PTPRD: variants seen among roughly 807,000 people sequenced by gnomAD.
PTPRD encodes the protein receptor-type tyrosine-protein phosphatase delta.
In PTPRD, 34 loss-of-function variants were observed where a neutral mutation model predicts 214.5. The ratio of observed to expected loss-of-function variants is 0.16; its 90% CI spans 0.12 to 0.21. PTPRD has a LOEUF of 0.21. Ranked by LOEUF, PTPRD falls within the 10% of genes least tolerant of loss-of-function variation. PTPRD has a pLI of 1.00. For missense variants in PTPRD, 2,545 were observed against 2,398.7 expected, an observed-to-expected ratio of 1.06 and a Z score of -1.27; for synonymous variants, 1,128 against 845.7, an observed-to-expected ratio of 1.33 and a Z score of -5.79.
Position 8,885,788 on chromosome 9 carries a change from T to G in PTPRD, c.-104+132909A>C, listed in dbSNP as rs187322535. Among the ~76,000 whole-genome samples the G allele has an allele frequency of 2.0e-4, 31 of 152,188 alleles. 1 individual carries two copies. The East Asian group carries it at 3.9e-3, about 19-fold the overall frequency. ...CTGGGATTATCAGCGTGACCCACCG[T>G]GCCCGGCCTGCCTCTGTCTTTAGAA... On this transcript the variant is annotated intron_variant, in intron 11 of 45. Transcript: ENST00000381196.
At chr9:9,123,993 A>G (rs2099820089) in intron 10 of PTPRD, among the ~76,000 whole-genome samples, 1 of 144,720 alleles carries the variant, frequency 6.9e-6, no homozygotes, top group Non-Finnish European at 1.5e-5. Context: ...ATGTAGGCAT[A>G]TTGTCTAAAA....
chr9:9,226,166 G>A (rs1188827693), intron 9 of PTPRD, among the ~76,000 whole-genome samples: 1 of 151,568 alleles, frequency 6.6e-6, no homozygotes, highest in Non-Finnish European at 1.5e-5. Context: ...GAAGAATAGT[G>A]GTCATTTTAG....
intron 11 of PTPRD, among the ~76,000 whole-genome samples, chr9:8,915,841 T>C (rs544150596): frequency 6.6e-6 from 1 of 152,290 alleles, no homozygotes; most frequent in Admixed American, 6.5e-5. Flanking sequence ...GTTAGCTTCA[T>C]CTAATAAAAA....
intron 3 of PTPRD, among the ~76,000 whole-genome samples, chr9:10,168,113 T>G (rs2099170607): frequency 6.6e-6 from 1 of 152,194 alleles, no homozygotes; most frequent in Non-Finnish European, 1.5e-5. Flanking sequence ...GAAACATATT[T>G]GCTTTTGCAG....
chr9:8,604,034 T>C (rs919016744), intron 14 of PTPRD, among the ~76,000 whole-genome samples: 2 of 152,220 alleles, frequency 1.3e-5, no homozygotes, highest in African/African-American at 2.4e-5. Flanking sequence ...ACAATTATGC[T>C]GAGAGTGTTT....
At chr9:9,167,968 G>A (rs956637749) in intron 10 of PTPRD, among the ~76,000 whole-genome samples, 1 of 152,030 alleles carries the variant, frequency 6.6e-6, no homozygotes, top group African/African-American at 2.4e-5. Flanking sequence ...CTTTCTGTGG[G>A]GTCCTTCTGT....
chr9:9,446,436 T>C (rs1013113924), intron 8 of PTPRD, among the ~76,000 whole-genome samples: 10 of 152,174 alleles, frequency 6.6e-5, no homozygotes, highest in Non-Finnish European at 1.5e-4. Context: ...CTCAGTCTTG[T>C]ATCCAAACTG....
chr9:8,668,440 G>A (rs1022920565), intron 12 of PTPRD, among the ~76,000 whole-genome samples: 1 of 152,168 alleles, frequency 6.6e-6, no homozygotes, highest in African/African-American at 2.4e-5. Flanking sequence ...TTTTCCATGT[G>A]CTTCCTCTTT....
intron 14 of PTPRD, among the ~76,000 whole-genome samples, chr9:8,602,408 C>T (rs1594993577): frequency 6.6e-6 from 1 of 152,162 alleles, no homozygotes; most frequent in Non-Finnish European, 1.5e-5. Context: ...ACAACAGCAA[C>T]TGTGACTCTT....
intron 14 of PTPRD, among the ~76,000 whole-genome samples, chr9:8,534,627 G>A (rs1405742723): frequency 1.3e-5 from 2 of 150,590 alleles, no homozygotes; most frequent in Admixed American, 6.6e-5. Context: ...CATTCCTAGA[G>A]TATATATATA....
intron 5 of PTPRD, among the ~76,000 whole-genome samples, chr9:9,783,183 T>C (rs1048060433): frequency 2.1e-4 from 32 of 152,232 alleles, no homozygotes; most frequent in Non-Finnish European, 3.8e-4. Context: ...AAGCTGTTTG[T>C]TTTTGATTCT....
At chr9:10,440,809 G>T (rs963468308) in intron 2 of PTPRD, among the ~76,000 whole-genome samples, 1 of 151,578 alleles carries the variant, frequency 6.6e-6, no homozygotes, top group Admixed American at 6.6e-5. Context: ...AATCCTGTCT[G>T]GATCCATTTA....
chr9:9,734,279 T>C (rs1018769746), intron 7 of PTPRD, among the ~76,000 whole-genome samples: 1 of 152,124 alleles, frequency 6.6e-6, no homozygotes, highest in African/African-American at 2.4e-5. Context: ...AAGAAACAAA[T>C]GCTCCCTCTG....
intron 4 of PTPRD, among the ~76,000 whole-genome samples, chr9:9,970,429 C>CAAA (rs35445219): frequency 0.028 from 2,600 of 92,036 alleles, 142 homozygotes; most frequent in African/African-American, 0.091. Flanking sequence ...GACTCCTTCT[C>CAAA]AAAAAAAAAA....
intron 5 of PTPRD, among the ~76,000 whole-genome samples, chr9:9,787,065 C>A (rs1394930457): frequency 6.6e-6 from 1 of 151,746 alleles, no homozygotes; most frequent in Non-Finnish European, 1.5e-5. Flanking sequence ...TGAACCCGGG[C>A]AGCGGAGGTT....
At chr9:8,509,804 A>T (rs1489798483) in intron 21 of PTPRD, among the ~76,000 whole-genome samples, 2 of 152,106 alleles carry the variant, frequency 1.3e-5, no homozygotes, top group Non-Finnish European at 2.9e-5. Context: ...CTAAATAATG[A>T]CTTAAGTAGG....
At chr9:8,576,118 T>C (rs140735399) in intron 14 of PTPRD, among the ~76,000 whole-genome samples, 155 of 152,326 alleles carry the variant, frequency 1.0e-3, no homozygotes, top group African/African-American at 3.6e-3. Context: ...ACACCAAACC[T>C]TGAAGTGTTG....
intron 12 of PTPRD, among the ~76,000 whole-genome samples, chr9:8,691,188 A>T (rs1223828254): frequency 6.6e-6 from 1 of 152,120 alleles, no homozygotes; most frequent in African/African-American, 2.4e-5. Context: ...ATATGTACTA[A>T]CTCATTTGAT....
intron 11 of PTPRD, among the ~76,000 whole-genome samples, chr9:8,833,242 C>G (rs1011496993): frequency 1.3e-5 from 2 of 152,054 alleles, no homozygotes; most frequent in Non-Finnish European, 2.9e-5. Context: ...GGACAGTATT[C>G]TACTACCCCT....
Sources: gnomAD v4.1 joint callset for allele counts (sites outside exome capture counted in the v4.1 genomes callset) on GRCh38, gnomAD v4.1.1 for gene constraint, MANE v1.5 for transcripts, NCBI Gene and HGNC (gene_info 2026-07-23, HGNC 2026-07-21) for gene names.